ATF7IP: variants seen among roughly 807,000 people sequenced by gnomAD.
The protein encoded by ATF7IP is activating transcription factor 7 interacting protein.
ATF7IP carries 23 observed loss-of-function variants against 106.4 expected under a neutral mutation model. The ratio of observed to expected loss-of-function variants is 0.22; its 90% CI spans 0.16 to 0.31. ATF7IP has a LOEUF of 0.31. ATF7IP is among the 10% of genes least tolerant of loss of function. The probability of loss-of-function intolerance (pLI) is 1.00; values close to 1 mark genes in which losing one functional copy is unlikely to be tolerated. For synonymous variants in ATF7IP, 542 were observed against 539.0 expected, an observed-to-expected ratio of 1.01 and a Z score of -0.08; for missense variants, 1,334 against 1,524.3, an observed-to-expected ratio of 0.88 and a Z score of 2.08.
chr12:14,411,373 A>G (rs1565489178), intron 1 of ATF7IP, among the ~76,000 whole-genome samples: 1 of 152,158 alleles, frequency 6.6e-6, no homozygotes, highest in Non-Finnish European at 1.5e-5. Flanking sequence ...ATGACTAATG[A>G]TGTTTACTGC....
rs776947298 is a variant in ATF7IP, at chr12:14,475,841, T to C, written c.2863-49T>C. The C allele has an allele frequency of 9.4e-6, 14 of 1,486,336 alleles. No individual in the cohort carries two copies. In the African/African-American group the frequency reaches 1.7e-4, roughly 18 times the overall value. The allele number at this position is 1,486,336 out of a possible 1,614,324, so 92.1% of individuals were successfully genotyped here. A position where few individuals can be genotyped will look rare whatever the true frequency, so the allele number is the denominator to read the frequency against. On this transcript the variant is annotated intron_variant, in intron 10 of 14. Transcript: ENST00000261168. ...ACTTATCATCTCATTTTTTAACACG[T>C]ATATCTGCCAGAGTTTTCTTTGTAA...
chr12:14,383,808 C>T (rs73304250), intron 1 of ATF7IP, among the ~76,000 whole-genome samples: 256 of 152,286 alleles, frequency 1.7e-3, no homozygotes, highest in African/African-American at 5.6e-3. Context: ...GAGAGCCTTC[C>T]GCCTTGGCCT....
chr12:14,492,661 C>G lies in ATF7IP; in HGVS notation c.3281-3570C>G, dbSNP rs554324391. Among the ~76,000 whole-genome samples the G allele has an allele frequency of 3.9e-5, 6 of 152,258 alleles. No individual in the cohort carries two copies. The East Asian group carries it at 9.7e-4, about 24-fold the overall frequency. On this transcript the variant is annotated intron_variant, in intron 13 of 14. Transcript: ENST00000261168. ...GAATATTGTGATTAATTAGCCAATG[C>G]CAGAGATCTATACAAGTCAGACTCT...
chr12:14,464,723 G>A (rs1304330004), intron 9 of ATF7IP, among the ~76,000 whole-genome samples: 1 of 152,112 alleles, frequency 6.6e-6, no homozygotes, highest in Non-Finnish European at 1.5e-5. Flanking sequence ...CTGTAATAAC[G>A]GGCAAGGAAT....
chr12:14,442,192 T>C (rs1393391517), intron 5 of ATF7IP, among the ~76,000 whole-genome samples: 5 of 152,196 alleles, frequency 3.3e-5, no homozygotes, highest in African/African-American at 9.6e-5. Flanking sequence ...GTTTTTTCCT[T>C]AGTGGTTACC....
intron 1 of ATF7IP, among the ~76,000 whole-genome samples, chr12:14,377,192 A>G (rs554405412): frequency 8.4e-4 from 127 of 151,856 alleles, no homozygotes; most frequent in African/African-American, 2.9e-3. Flanking sequence ...ACGGGGTTTC[A>G]CCATGTTGGC....
Position 14,446,946 on chromosome 12 carries a change from T to C in ATF7IP, c.1930-42T>C, listed in dbSNP as rs751757585. On this transcript the variant is annotated intron_variant, in intron 5 of 14. Coordinates refer to ENST00000261168, the MANE Select transcript of ATF7IP (RefSeq NM_018179.5). ...GTTTTTTTTTTTAATGCTGTAATAC[T>C]ATTTGATTTCCATTCATTTTTGTCT... The C allele has an allele frequency of 1.7e-5, 25 of 1,448,418 alleles. No individual in the cohort carries two copies. The East Asian group carries it at 5.7e-4, about 33-fold the overall frequency. The allele number at this position is 1,448,418 out of a possible 1,614,324, so 89.7% of individuals were successfully genotyped here. A position where few individuals can be genotyped will look rare whatever the true frequency, so the allele number is the denominator to read the frequency against.
At chr12:14,456,440 T>C (rs993914354) in intron 6 of ATF7IP, 121 bp from the exon 7 acceptor site, 3 of 615,952 alleles carry the variant, frequency 4.9e-6, no homozygotes, top group Non-Finnish European at 8.5e-6. Context: ...TGGCAATGTT[T>C]CCCATTATAT....
rs769516113 is a variant in ATF7IP, at chr12:14,478,414, A to G, written c.3039A>G (p.Gln1013=). Residue 1013 remains glutamine, a synonymous_variant, in exon 12 of 15, where the codon CAA becomes CAG. Transcript: ENST00000261168. ...LQPIQPAPPL[Q]PSGVPTSGPS... ...CCATACAACCAGCACCGCCTCTTCA[A>G]CCATCTGGGGTGCCAACAAGTGGAC... 3.7e-6 allele frequency: 6 copies of G among 1,614,112 alleles called. No homozygotes were observed. Among genetic ancestry groups the G allele is most frequent in the South Asian group, 1.1e-5 (1 of 91,086 alleles).
At chr12:14,407,405 A>T (rs1414505312) in intron 1 of ATF7IP, among the ~76,000 whole-genome samples, 1 of 146,586 alleles carries the variant, frequency 6.8e-6, no homozygotes, top group South Asian at 2.2e-4. Flanking sequence ...TTATCTATTT[A>T]TTTTTTGGTT....
At chr12:14,375,932 T>A (rs992057817) in intron 1 of ATF7IP, among the ~76,000 whole-genome samples, 2 of 152,188 alleles carry the variant, frequency 1.3e-5, no homozygotes, top group Admixed American at 6.5e-5. Context: ...AAAAGTAACT[T>A]GGAAAGGTCG....
intron 6 of ATF7IP, 96 bp from the exon 7 acceptor site, chr12:14,456,465 A>G (rs1398562966): frequency 2.6e-6 from 2 of 760,116 alleles, no homozygotes; most frequent in Non-Finnish European, 4.5e-6. Flanking sequence ...ACAGTGACAG[A>G]TAATATATTG....
intron 1 of ATF7IP, chr12:14,417,002 T>A: frequency 2.1e-6 from 2 of 942,768 alleles, no homozygotes; most frequent in Non-Finnish European, 2.5e-6. Flanking sequence ...AAATGAGGTT[T>A]ATTTTTAAAA....
At chr12:14,483,577 C>G (rs917317414) in intron 13 of ATF7IP, among the ~76,000 whole-genome samples, 2 of 152,104 alleles carry the variant, frequency 1.3e-5, no homozygotes, top group African/African-American at 4.8e-5. Flanking sequence ...GAACAGGAAG[C>G]AAAAATTTTG....
intron 5 of ATF7IP, among the ~76,000 whole-genome samples, chr12:14,439,141 A>C (rs566942913): frequency 2.0e-4 from 30 of 152,284 alleles, no homozygotes; most frequent in African/African-American, 7.2e-4. Context: ...GTGCTGTAGT[A>C]ATCTACTTTA....
At chr12:14,438,778 G>A (rs1399684536) in intron 5 of ATF7IP, among the ~76,000 whole-genome samples, 1 of 152,098 alleles carries the variant, frequency 6.6e-6, no homozygotes, top group Non-Finnish European at 1.5e-5. Flanking sequence ...TTACAAATAA[G>A]GTCACAGTCT....
chr12:14,486,351 G>A (rs909687130), intron 13 of ATF7IP, among the ~76,000 whole-genome samples: 1 of 152,164 alleles, frequency 6.6e-6, no homozygotes, highest in African/African-American at 2.4e-5. Context: ...CCAGTGCACA[G>A]TTACCCTGGT....
chr12:14,402,127 C>CTTT (rs11297116), intron 1 of ATF7IP, among the ~76,000 whole-genome samples: 21 of 101,850 alleles, frequency 2.1e-4, no homozygotes, highest in East Asian at 8.1e-4. Flanking sequence ...TTTCTTCTTT[C>CTTT]TTTTTTTTTT....
Position 14,478,476 on chromosome 12 carries a change from A to T in ATF7IP, c.3097+4A>T, listed in dbSNP as rs762744489. ...ACCATACACTTACTACCTACAGGTA[A>T]ATTTGTTGAATCATTGAGTAGAAGC... On this transcript the variant is annotated splice_donor_region_variant and intron_variant, in intron 12 of 14. Coordinates refer to ENST00000261168, the MANE Select transcript of ATF7IP (RefSeq NM_018179.5). 10 of 1,613,634 alleles carry T rather than the reference A, an allele frequency of 6.2e-6. No homozygotes were observed. The East Asian group carries it at 2.0e-4, about 32-fold the overall frequency.
Sources: allele counts gnomAD v4.1 joint callset (sites outside exome capture counted in the v4.1 genomes callset), GRCh38; gene constraint gnomAD v4.1.1; transcripts MANE v1.5; gene names NCBI Gene and HGNC (gene_info 2026-07-23, HGNC 2026-07-21).